The following SLIT3 variants were observed in gnomAD, a reference collection of about 807,000 sequenced individuals.
SLIT3 encodes slit homolog 3 protein.
Under a neutral mutation model 184.0 loss-of-function variants are expected in SLIT3, and 68 were observed. That is an observed-to-expected ratio of 0.37 (90% CI 0.30 to 0.45). SLIT3 has a LOEUF of 0.45. SLIT3 is among the 20% of genes least tolerant of loss of function. The pLI is 1.00. For synonymous variants in SLIT3, 831 were observed against 828.6 expected (o/e 1.00, Z -0.05); for missense variants, 1,707 against 2,026.0 (o/e 0.84, Z 3.02).
chr5:168,836,641 G>T (rs1464105452), intron 6 of SLIT3, among the ~76,000 whole-genome samples: 2 of 152,282 alleles, frequency 1.3e-5, no homozygotes, highest in East Asian at 3.9e-4. Context: ...CTGAATTCCA[G>T]TGCAGAGATC....
At chr5:169,134,547 C>T (rs1761425823) in intron 4 of SLIT3, among the ~76,000 whole-genome samples, 1 of 152,162 alleles carries the variant, frequency 6.6e-6, no homozygotes, top group Non-Finnish European at 1.5e-5. Flanking sequence ...TCTTGACCAC[C>T]CTATAAAAAG....
Position 168,762,601 on chromosome 5 carries a change from C to T in SLIT3, c.1548G>A (p.Val516=), listed in dbSNP as rs778742275. ...GGACCAGCTTCTGGTTGGAGCAGTC[C>T]ACAATCGTGCCCTCACAGCGACACT... ...PEKCRCEGTI[V]DCSNQKLVRI... Residue 516 remains valine, a synonymous_variant, in exon 15 of 36, where the codon GTG becomes GTA. Transcript: ENST00000519560. 6.2e-7 allele frequency: 1 copy of T among 1,614,044 alleles called. No homozygotes were observed.
intron 4 of SLIT3, among the ~76,000 whole-genome samples, chr5:169,102,224 C>A (rs1760045866): frequency 6.6e-6 from 1 of 152,184 alleles, no homozygotes; most frequent in Non-Finnish European, 1.5e-5. Flanking sequence ...GGGGACATCC[C>A]CTGCCTGAAG....
At chr5:169,069,453 C>T (rs1473272722) in intron 4 of SLIT3, among the ~76,000 whole-genome samples, 1 of 152,178 alleles carries the variant, frequency 6.6e-6, no homozygotes, top group Non-Finnish European at 1.5e-5. Flanking sequence ...GGGAGGCAGG[C>T]AGGCTGTGAG....
chr5:168,672,619 G>T (rs1761288106), intron 33 of SLIT3, among the ~76,000 whole-genome samples: 2 of 152,160 alleles, frequency 1.3e-5, no homozygotes, highest in African/African-American at 4.8e-5. Context: ...GGGACTACAG[G>T]TGCTCACTAC....
chr5:169,006,855 C>A (rs1755953008), intron 4 of SLIT3, among the ~76,000 whole-genome samples: 1 of 152,118 alleles, frequency 6.6e-6, no homozygotes, highest in Non-Finnish European at 1.5e-5. Context: ...TGCAGAGTGT[C>A]TGGATACACA....
At chr5:168,956,183 G>A (rs549072918) in intron 4 of SLIT3, among the ~76,000 whole-genome samples, 6 of 152,286 alleles carry the variant, frequency 3.9e-5, no homozygotes, top group African/African-American at 1.2e-4. Context: ...TGAAGGTAAA[G>A]GTTGTCTATC....
intron 4 of SLIT3, among the ~76,000 whole-genome samples, chr5:169,150,290 C>T (rs1762071585): frequency 6.6e-6 from 1 of 152,168 alleles, no homozygotes; most frequent in Admixed American, 6.5e-5. Flanking sequence ...AAAAACATCA[C>T]AGATGCCTTG....
At position 168,772,787 on chromosome 5, in the gene SLIT3, A is replaced by C; in HGVS notation, c.1453T>G (p.Cys485Gly). 1 of 1,614,156 alleles carries C rather than the reference A, an allele frequency of 6.2e-7. No individual in the cohort carries two copies. The highest frequency in any genetic ancestry group is 8.5e-7 in the Non-Finnish European group (1 of 1,180,040). Residue 485 changes from cysteine (C) to glycine (G), a missense_variant, in exon 14 of 36, where the codon TGC becomes GGC. This residue lies in a region of SLIT3 where 1,307 missense variants were observed against 1,511.6 expected (regional missense o/e 0.86). Coordinates refer to ENST00000519560, the MANE Select transcript of SLIT3 (RefSeq NM_003062.4). Reference protein sequence around the residue: ...ISQIKSKKFRCSGSEDYRSRF... With the variant: ...ISQIKSKKFRGSGSEDYRSRF... ...AGCCCCGTAACCTGATTACCTGAGCAGCGGAACTTCTTGCTCTTGATCTGG... is the reference window on the plus strand; with the variant it reads ...AGCCCCGTAACCTGATTACCTGAGCCGCGGAACTTCTTGCTCTTGATCTGG...
chr5:169,246,556 GT>G (rs1348675492), intron 2 of SLIT3, among the ~76,000 whole-genome samples: 4 of 152,156 alleles, frequency 2.6e-5, no homozygotes, highest in African/African-American at 9.7e-5. Context: ...CACTGCAAAA[GT>G]TCTTACGAGA....
intron 4 of SLIT3, among the ~76,000 whole-genome samples, chr5:169,152,265 A>T (rs1266088484): frequency 6.6e-6 from 1 of 152,210 alleles, no homozygotes. Context: ...TCTCACAAAG[A>T]AGAAAGAGAA....
chr5:169,140,637 C>G (rs184229837), intron 4 of SLIT3, among the ~76,000 whole-genome samples: 1 of 151,962 alleles, frequency 6.6e-6, no homozygotes, highest in African/African-American at 2.4e-5. Flanking sequence ...GACCCTGTGT[C>G]TACAAAGAGA....
chr5:168,941,100 CTTATT>C (rs1387051502), intron 4 of SLIT3, among the ~76,000 whole-genome samples: 1 of 152,128 alleles, frequency 6.6e-6, no homozygotes, highest in East Asian at 1.9e-4. Flanking sequence ...TTTGTTTCTC[CTTATT>C]TTATTTTGAG....
chr5:168,668,855 C>T (rs142518092), intron 35 of SLIT3, among the ~76,000 whole-genome samples: 36 of 152,330 alleles, frequency 2.4e-4, no homozygotes, highest in Middle Eastern at 3.4e-3. Flanking sequence ...CTGTAACCTC[C>T]GCCTCCTGGG....
At chr5:169,288,985 T>C (rs1767251991) in intron 1 of SLIT3, among the ~76,000 whole-genome samples, 1 of 152,224 alleles carries the variant, frequency 6.6e-6, no homozygotes. Flanking sequence ...TCAGATATTG[T>C]GGGTGGACTC....
chr5:169,068,402 A>T (rs1479798753), intron 4 of SLIT3, among the ~76,000 whole-genome samples: 1 of 152,196 alleles, frequency 6.6e-6, no homozygotes. Context: ...GTATCGAGCT[A>T]GGTGCTGAGG....
At position 169,218,175 on chromosome 5, in the gene SLIT3, T is replaced by C. The variant is rs138232439; in HGVS notation, c.342-24625A>G. On this transcript the variant is annotated intron_variant, in intron 3 of 35. Transcript: ENST00000519560. ...TTGTACCAGCTGCATGCTTACTGTA[T>C]GTCCTTCAAATGTCCCCATATTCTT... Among the ~76,000 whole-genome samples the C allele has an allele frequency of 1.7e-3, 264 of 152,346 alleles. 2 individuals carry two copies. The highest frequency in any genetic ancestry group is 6.0e-3 in the African/African-American group (251 of 41,592).
At chr5:168,793,931 A>C (rs1185622817) in intron 10 of SLIT3, among the ~76,000 whole-genome samples, 1 of 152,170 alleles carries the variant, frequency 6.6e-6, no homozygotes, top group African/African-American at 2.4e-5. Flanking sequence ...AGGAGGGAAG[A>C]AGTACGTGCT....
At chr5:168,997,380 G>A (rs1300127120) in intron 4 of SLIT3, among the ~76,000 whole-genome samples, 1 of 152,092 alleles carries the variant, frequency 6.6e-6, no homozygotes, top group East Asian at 1.9e-4. Context: ...TGTACCCCCT[G>A]GAAAGAGGAT....
Sources: allele counts gnomAD v4.1 joint callset (sites outside exome capture counted in the v4.1 genomes callset), GRCh38; gene constraint gnomAD v4.1.1; regional missense constraint gnomAD v4.1.1; transcripts MANE v1.5; gene names NCBI Gene and HGNC (gene_info 2026-07-23, HGNC 2026-07-21).